Variants in GOLGA8A observed in about 807,000 individuals in gnomAD.
GOLGA8A encodes the protein golgin subfamily A member 8A.
In GOLGA8A, 3 loss-of-function variants were observed where a neutral mutation model predicts 22.1. The ratio of observed to expected loss-of-function variants is 0.14; its 90% CI spans 0.06 to 0.35. GOLGA8A has a LOEUF of 0.35. Ranked by LOEUF, GOLGA8A falls within the 10% of genes least tolerant of loss-of-function variation. GOLGA8A has a pLI of 1.00. For synonymous variants in GOLGA8A, 7 were observed against 91.7 expected, an observed-to-expected ratio of 0.08 and a Z score of 5.28; for missense variants, 16 against 233.2, an observed-to-expected ratio of 0.07 and a Z score of 6.07.
chr15:34,433,937 C>A (rs1893369893), intron 2 of GOLGA8A, among the ~76,000 whole-genome samples: 1 of 149,376 alleles, frequency 6.7e-6, no homozygotes, highest in South Asian at 2.1e-4. Context: ...AAGTGAGGGG[C>A]CGGCCAGGTG....
intron 2 of GOLGA8A, among the ~76,000 whole-genome samples, chr15:34,424,491 G>A (rs1363624575): frequency 6.1e-5 from 9 of 146,778 alleles, no homozygotes; most frequent in African/African-American, 2.0e-4. Context: ...GAAGCAAGGT[G>A]GGCAGGCAGT....
At chr15:34,429,522 C>T (rs1455011888) in intron 2 of GOLGA8A, among the ~76,000 whole-genome samples, 1 of 148,360 alleles carries the variant, frequency 6.7e-6, no homozygotes, top group Admixed American at 6.8e-5. Flanking sequence ...TGATCCACCC[C>T]AACCTACCGT....
At chr15:34,426,153 G>C (rs1892973938) in intron 2 of GOLGA8A, among the ~76,000 whole-genome samples, 1 of 149,074 alleles carries the variant, frequency 6.7e-6, no homozygotes, top group Non-Finnish European at 1.5e-5. Flanking sequence ...TAATGTACGA[G>C]ACTCCACCTG....
At chr15:34,427,328 C>CTCAAAA (rs1893027039) in intron 2 of GOLGA8A, among the ~76,000 whole-genome samples, 2 of 48,672 alleles carry the variant, frequency 4.1e-5, no homozygotes, top group African/African-American at 1.5e-4. Context: ...GAGACTCCGT[C>CTCAAAA]ACAAAAAAAA....
rs116928894 is a variant in GOLGA8A, at chr15:34,431,541, T to A, written c.-1123+3842A>T. ...CAACACACTAGGTTATAGGGTACAG[T>A]CTACTGCTCCTAGGCTGCAAAGCTA... On this transcript the variant is annotated intron_variant, in intron 2 of 24. Coordinates refer to ENST00000359187, the MANE Select transcript of GOLGA8A (RefSeq NM_181077.5). Among the ~76,000 whole-genome samples, 16 of 147,158 alleles carry A rather than the reference T, an allele frequency of 1.1e-4. 1 individual carries two copies. The highest frequency in any genetic ancestry group is 4.0e-4 in the African/African-American group (16 of 39,854).
At position 34,425,547 on chromosome 15, in the gene GOLGA8A, T is replaced by A. The variant is rs919826189; in HGVS notation, c.-1123+9836A>T. Among the ~76,000 whole-genome samples, 4 of 145,370 alleles carry A rather than the reference T, an allele frequency of 2.8e-5. 1 individual carries two copies. Among genetic ancestry groups the A allele is most frequent in the Non-Finnish European group, 4.6e-5 (3 of 65,880 alleles). Reference sequence around the variant, plus strand: ...AGGGTACAGAAACCCATTCTCTAAGTAAGATACAAAATTCAGGAGTAATTA... The same window carrying A: ...AGGGTACAGAAACCCATTCTCTAAGAAAGATACAAAATTCAGGAGTAATTA... On this transcript the variant is annotated intron_variant, in intron 2 of 24. Transcript: ENST00000359187.
chr15:34,434,565 C>G (rs59708025), intron 2 of GOLGA8A, among the ~76,000 whole-genome samples: 8,931 of 148,766 alleles, frequency 0.06, 1,335 homozygotes, highest in African/African-American at 0.21. Flanking sequence ...TGCTCTGAGA[C>G]ATGAGCTGGA....
intron 2 of GOLGA8A, among the ~76,000 whole-genome samples, chr15:34,423,643 G>A (rs962143735): frequency 1.3e-5 from 2 of 148,642 alleles, no homozygotes; most frequent in Non-Finnish European, 3.0e-5. Flanking sequence ...GAACAACTGA[G>A]GATGACCCTG....
In GOLGA8A at chr15:34,431,306, TATATA is replaced by T. The variant is rs1566913919; in HGVS notation, c.-1123+4072_-1123+4076del. On this transcript the variant is annotated intron_variant, in intron 2 of 24. Coordinates refer to ENST00000359187, the MANE Select transcript of GOLGA8A (RefSeq NM_181077.5). The stretch of plus-strand genomic sequence containing the variant: ...TGAAAAAAAATTATATATATATATA[TATATA>T]CATATATATATATATATATATATAT... 9.0e-3 allele frequency among the ~76,000 whole-genome samples: 115 copies of T among 12,794 alleles called. 8 individuals carry two copies. The highest frequency in any genetic ancestry group is 0.074 in the South Asian group (18 of 244). 8.4% of individuals were successfully genotyped at this position (12,794 alleles called of 152,430 possible). A position where few individuals can be genotyped will look rare whatever the true frequency, so the allele number is the denominator to read the frequency against.
rs180777691 is a variant in GOLGA8A, at chr15:34,428,257, C to G, written c.-1123+7126G>C. Among the ~76,000 whole-genome samples, 26 of 147,778 alleles carry G rather than the reference C, an allele frequency of 1.8e-4. 2 individuals are homozygous for G. Among genetic ancestry groups the G allele is most frequent in the Admixed American group, 4.8e-4 (7 of 14,558 alleles). ...CACACCCGTGAGCCACCACATCTGG[C>G]TAATTTTTCTATTTTTTTGTAGAGG... On this transcript the variant is annotated intron_variant, in intron 2 of 24. Coordinates refer to ENST00000359187, the MANE Select transcript of GOLGA8A (RefSeq NM_181077.5).
At chr15:34,386,221 C>G (rs114058826) in intron 12 of GOLGA8A, among the ~76,000 whole-genome samples, 4,927 of 142,006 alleles carry the variant, frequency 0.035, 706 homozygotes, top group African/African-American at 0.13. Flanking sequence ...ACTCTCAGAG[C>G]TAACACAGAC....
intron 4 of GOLGA8A, among the ~76,000 whole-genome samples, chr15:34,406,013 T>A (rs1892216017): frequency 7.5e-6 from 1 of 133,446 alleles, no homozygotes; most frequent in Non-Finnish European, 1.7e-5. Flanking sequence ...AATTGTCTCA[T>A]TTTTTTGAGG....
chr15:34,420,512 G>A (rs1892755703), intron 2 of GOLGA8A, among the ~76,000 whole-genome samples: 2 of 144,396 alleles, frequency 1.4e-5, no homozygotes, highest in East Asian at 2.1e-4. Context: ...CTGCACTCAC[G>A]GGTCACTGCA....
rs1161782732 is a variant in GOLGA8A at position 34,437,462 on chromosome 15, C to G, written c.-1276G>C. The G allele has an allele frequency of 7.8e-6, 1 of 127,776 alleles. No individual in the cohort carries two copies. Among genetic ancestry groups the G allele is most frequent in the Non-Finnish European group, 1.7e-5 (1 of 58,478 alleles). The allele number at this position is 127,776 out of a possible 1,614,324, so 7.9% of individuals were successfully genotyped here. A position where few individuals can be genotyped will look rare whatever the true frequency, so the allele number is the denominator to read the frequency against. On this transcript the variant is annotated 5_prime_UTR_variant, in exon 1 of 25. Transcript: ENST00000359187. ...TCGCCGCGCCGCCGTCCTCGCCGCG[C>G]CGCCGTCCTCGCCGCGCCGCCGTCC...
At chr15:34,437,309 C>T (rs1477127044) in intron 1 of GOLGA8A, 89 bp downstream of exon 1, 4 of 144,430 alleles carry the variant, frequency 2.8e-5, no homozygotes, top group African/African-American at 7.7e-5. Context: ...TTACGCGCCG[C>T]CCCCCACGCG....
At position 34,428,913 on chromosome 15, in the gene GOLGA8A, A is replaced by G. The variant is rs1235531106; in HGVS notation, c.-1123+6470T>C. 3.4e-5 allele frequency: 5 copies of G among 147,808 alleles called. 1 individual carries two copies. The highest frequency in any genetic ancestry group is 4.3e-4 in the South Asian group (2 of 4,614). 9.2% of individuals were successfully genotyped at this position (147,808 alleles called of 1,614,324 possible). A position where few individuals can be genotyped will look rare whatever the true frequency, so the allele number is the denominator to read the frequency against. ...AATCCTTGTTAAAAAAAAAAAAAAA[A>G]AAAAAGAAGGGTAAAATAAAACGTC... On this transcript the variant is annotated intron_variant, in intron 2 of 24. Coordinates refer to ENST00000359187, the MANE Select transcript of GOLGA8A (RefSeq NM_181077.5).
At position 34,380,048 on chromosome 15, in the gene GOLGA8A, ACTT is replaced by A. The variant is rs1858715477; in HGVS notation, c.*1360_*1362del. 2 of 152,748 alleles carry A rather than the reference ACTT, an allele frequency of 1.3e-5. No homozygotes were observed. The highest frequency in any genetic ancestry group is 6.5e-5 in the Admixed American group (1 of 15,296). The allele number at this position is 152,748 out of a possible 1,614,324, so 9.5% of individuals were successfully genotyped here. A position where few individuals can be genotyped will look rare whatever the true frequency, so the allele number is the denominator to read the frequency against. ...TGTGTAAACATTTTAAGTTGCATAA[ACTT>A]CTCCTTGATTTTCAAAGATAATATA... On this transcript the variant is annotated 3_prime_UTR_variant, in exon 25 of 25. Coordinates refer to ENST00000359187, the MANE Select transcript of GOLGA8A (RefSeq NM_181077.5).
rs1891372949 is a variant in GOLGA8A, at chr15:34,379,543, G to T, written c.*1868C>A. On this transcript the variant is annotated 3_prime_UTR_variant, in exon 25 of 25. Transcript: ENST00000359187. The stretch of plus-strand genomic sequence containing the variant: ...TTGAAGTTACAAGGACCCAATATCT[G>T]CCCTCTTTCAGTGAATGCCGGCAAA... The T allele has an allele frequency of 6.6e-6, 1 of 152,564 alleles. No homozygotes were observed. The highest frequency in any genetic ancestry group is 2.4e-5 in the African/African-American group (1 of 41,408). 9.5% of individuals were successfully genotyped at this position (152,564 alleles called of 1,614,324 possible). A position where few individuals can be genotyped will look rare whatever the true frequency, so the allele number is the denominator to read the frequency against.
Position 34,379,164 on chromosome 15 carries a change from C to T in GOLGA8A, c.*2247G>A, listed in dbSNP as rs1891351229. On this transcript the variant is annotated 3_prime_UTR_variant, in exon 25 of 25. Coordinates refer to ENST00000359187, the MANE Select transcript of GOLGA8A (RefSeq NM_181077.5). ...AAAGTCTTTCAGTATTTCCGTTACA[C>T]ATTCTGTTAACAAGAACTCATACAT... The T allele has an allele frequency of 6.6e-6, 1 of 152,596 alleles. No individual in the cohort carries two copies. The highest frequency in any genetic ancestry group is 6.5e-5 in the Admixed American group (1 of 15,276). 9.5% of individuals were successfully genotyped at this position (152,596 alleles called of 1,614,324 possible).
Sources: allele counts gnomAD v4.1 joint callset (sites outside exome capture counted in the v4.1 genomes callset), GRCh38; gene constraint gnomAD v4.1.1; transcripts MANE v1.5; gene names NCBI Gene and HGNC (gene_info 2026-07-23, HGNC 2026-07-21).